Variants in ACYP2 observed in about 807,000 individuals in gnomAD.
ACYP2 encodes the protein acylphosphatase 2, also known as acylphosphatase-2.
ACYP2 carries 12 observed loss-of-function variants against 11.2 expected under a neutral mutation model. The ratio of observed to expected loss-of-function variants is 1.08; its 90% CI spans 0.69 to 1.74. The LOEUF (loss-of-function observed/expected upper bound fraction) is 1.74, where lower values mean the gene tolerates loss of function less well. Among genes scored for constraint, ACYP2 ranks in the 40% most tolerant of loss-of-function variants. The probability of loss-of-function intolerance (pLI) is 0.00; values close to 1 mark genes in which losing one functional copy is unlikely to be tolerated. For synonymous variants in ACYP2, 43 were observed against 32.2 expected, an observed-to-expected ratio of 1.33 and a Z score of -1.13; for missense variants, 134 against 101.9, an observed-to-expected ratio of 1.31 and a Z score of -1.35.
At chr2:54,021,646 T>C (rs1674015434) in intron 2 of ACYP2, among the ~76,000 whole-genome samples, 1 of 152,232 alleles carries the variant, frequency 6.6e-6, no homozygotes, top group Non-Finnish European at 1.5e-5. Context: ...CAAGCCACAG[T>C]AGCATTGTTG....
intron 2 of ACYP2, among the ~76,000 whole-genome samples, chr2:53,993,400 A>G (rs1056840753): frequency 6.6e-6 from 1 of 152,090 alleles, no homozygotes; most frequent in African/African-American, 2.4e-5. Context: ...GTACAGGTGC[A>G]GATTGAATCA....
chr2:54,058,682 A>C (rs1229962180), intron 4 of ACYP2, among the ~76,000 whole-genome samples: 1 of 151,932 alleles, frequency 6.6e-6, no homozygotes, highest in Non-Finnish European at 1.5e-5. Context: ...ACTTTAGATA[A>C]AACATGAGAG....
chr2:54,037,239 A>C (rs58015041), intron 2 of ACYP2, among the ~76,000 whole-genome samples: 13,430 of 151,902 alleles, frequency 0.088, 822 homozygotes, highest in East Asian at 0.27. Context: ...CGGCCTCCCA[A>C]ATACCTGGGA....
chr2:54,265,996 T>C (rs1169375255), intron 6 of ACYP2, among the ~76,000 whole-genome samples: 2 of 152,222 alleles, frequency 1.3e-5, no homozygotes, highest in Non-Finnish European at 1.5e-5. Context: ...GAATTTATTA[T>C]GCCCATAAAA....
chr2:54,228,323 C>T (rs1686093653), intron 6 of ACYP2, among the ~76,000 whole-genome samples: 1 of 152,160 alleles, frequency 6.6e-6, no homozygotes, highest in Non-Finnish European at 1.5e-5. Flanking sequence ...ATAACAACAG[C>T]AACAGCTAAC....
intron 4 of ACYP2, among the ~76,000 whole-genome samples, chr2:54,094,070 A>C (rs1477496995): frequency 6.6e-6 from 1 of 152,216 alleles, no homozygotes; most frequent in Non-Finnish European, 1.5e-5. Context: ...AATGAAGTAC[A>C]TGTTAGAGAT....
intron 4 of ACYP2, among the ~76,000 whole-genome samples, chr2:54,076,594 ATT>A (rs1230467974): frequency 6.6e-6 from 1 of 152,244 alleles, no homozygotes; most frequent in African/African-American, 2.4e-5. Flanking sequence ...AGTTTAATAG[ATT>A]TTTATATAGA....
chr2:54,191,813 AT>A (rs1345377708), intron 6 of ACYP2, among the ~76,000 whole-genome samples: 1 of 151,986 alleles, frequency 6.6e-6, no homozygotes, highest in African/African-American at 2.4e-5. Flanking sequence ...AACCTGCTTC[AT>A]TTTTCTTCTT....
At chr2:54,198,082 C>T (rs760267640) in intron 6 of ACYP2, among the ~76,000 whole-genome samples, 4 of 151,768 alleles carry the variant, frequency 2.6e-5, no homozygotes, top group South Asian at 2.1e-4. Context: ...TGCAGTGGCA[C>T]GATCTTGGCT....
intron 4 of ACYP2, among the ~76,000 whole-genome samples, chr2:54,087,779 G>A (rs1678016098): frequency 6.6e-6 from 1 of 152,204 alleles, no homozygotes; most frequent in African/African-American, 2.4e-5. Flanking sequence ...GGATGGATAG[G>A]TAGCAGGACA....
At chr2:54,255,633 C>T (rs757079209) in intron 6 of ACYP2, 1 of 1,613,694 alleles carries the variant, frequency 6.2e-7, no homozygotes, top group Non-Finnish European at 8.5e-7. Context: ...TTTCTTCCGC[C>T]ACGTCCATTT....
intron 2 of ACYP2, among the ~76,000 whole-genome samples, chr2:54,036,939 C>T (rs1474506630): frequency 6.6e-6 from 1 of 152,030 alleles, no homozygotes; most frequent in Non-Finnish European, 1.5e-5. Context: ...ATGGTCAGGT[C>T]CCTCTCCTCT....
chr2:53,983,528 G>A (rs950911834), intron 2 of ACYP2, among the ~76,000 whole-genome samples: 2 of 152,030 alleles, frequency 1.3e-5, no homozygotes, highest in East Asian at 1.9e-4. Context: ...AAAACAGTAC[G>A]AATGGAAGCT....
chr2:54,155,539 G>T lies in ACYP2; in HGVS notation c.404+16791G>T, dbSNP rs117339744. On this transcript the variant is annotated intron_variant, in intron 6 of 6. Transcript: ENST00000607452. ...CAGCATTAGAGTCTTATAGCAGAGC[G>T]AACCCTATTGTGAACTGCGCATGCG... 1.1e-4 allele frequency among the ~76,000 whole-genome samples: 16 copies of T among 152,260 alleles called. No homozygotes were observed. In the East Asian group the frequency reaches 2.7e-3, roughly 26 times the overall value.
intron 4 of ACYP2, among the ~76,000 whole-genome samples, chr2:54,111,815 A>C (rs1679476959): frequency 6.6e-6 from 1 of 152,222 alleles, no homozygotes; most frequent in Non-Finnish European, 1.5e-5. Context: ...TGGATAAAGT[A>C]ATTTTGCTTG....
At position 54,007,501 on chromosome 2, in the gene ACYP2, C is replaced by T. The variant is rs190858268; in HGVS notation, c.62+33691C>T. 2.4e-3 allele frequency among the ~76,000 whole-genome samples: 361 copies of T among 152,252 alleles called. 3 individuals are homozygous for T. Among genetic ancestry groups the T allele is most frequent in the African/African-American group, 8.5e-3 (352 of 41,562 alleles). The stretch of plus-strand genomic sequence containing the variant: ...ATCTGTTGACCTTGTGATCCACCCA[C>T]CTTGGCCTCCCAAAGTCCTGGGATT... On this transcript the variant is annotated intron_variant, in intron 2 of 6. Coordinates refer to ENST00000607452, the MANE Select transcript of ACYP2 (RefSeq NM_001320586.2).
At chr2:54,260,986 A>G (rs895817640) in intron 6 of ACYP2, among the ~76,000 whole-genome samples, 3 of 152,214 alleles carry the variant, frequency 2.0e-5, no homozygotes, top group South Asian at 2.1e-4. Context: ...TATGTATTCT[A>G]GGGCCAAGGT....
intron 6 of ACYP2, among the ~76,000 whole-genome samples, chr2:54,228,314 TAAC>T (rs573175681): frequency 4.6e-4 from 70 of 152,356 alleles, no homozygotes; most frequent in African/African-American, 1.7e-3. Context: ...ATTGGAACCA[TAAC>T]AACAGCAACA....
intron 4 of ACYP2, among the ~76,000 whole-genome samples, chr2:54,085,573 C>T (rs373649399): frequency 8.5e-5 from 13 of 152,088 alleles, no homozygotes; most frequent in African/African-American, 3.1e-4. Context: ...CAGAAATATG[C>T]TGAAGAAACT....
Sources: gnomAD v4.1 joint callset for allele counts (sites outside exome capture counted in the v4.1 genomes callset) on GRCh38, gnomAD v4.1.1 for gene constraint, MANE v1.5 for transcripts, NCBI Gene and HGNC (gene_info 2026-07-23, HGNC 2026-07-21) for gene names.